Variants in BANP observed in about 807,000 individuals in gnomAD.
BANP encodes protein BANP.
A neutral mutation model predicts 68.1 loss-of-function variants in BANP; 11 were observed. The ratio of observed to expected loss-of-function variants is 0.16; its 90% CI spans 0.10 to 0.27. BANP has a LOEUF of 0.27. Ranked by LOEUF, BANP falls within the 10% of genes least tolerant of loss-of-function variation. The probability of loss-of-function intolerance (pLI) is 1.00; values close to 1 mark genes in which losing one functional copy is unlikely to be tolerated. For synonymous variants in BANP, 329 were observed against 303.2 expected, an observed-to-expected ratio of 1.09 and a Z score of -0.88; for missense variants, 504 against 722.7, an observed-to-expected ratio of 0.70 and a Z score of 3.47.
At chr16:87,980,627 C>T in intron 2 of BANP, 1 of 211,854 alleles carries the variant, frequency 4.7e-6, no homozygotes. Flanking sequence ...TAGTTCTGGA[C>T]CTGCAGATAG....
rs1420289487 is a variant in BANP at position 88,071,245 on chromosome 16, A to G, written c.1378-824A>G. 5.7e-6 allele frequency: 2 copies of G among 353,876 alleles called. No homozygotes were observed. Among genetic ancestry groups the G allele is most frequent in the Admixed American group, 3.9e-5 (1 of 25,600 alleles). The allele number at this position is 353,876 out of a possible 1,614,324, so 21.9% of individuals were successfully genotyped here. A position where few individuals can be genotyped will look rare whatever the true frequency, so the allele number is the denominator to read the frequency against. The stretch of plus-strand genomic sequence containing the variant: ...CCTCCCGTAGTGGGGTGCAACCCCA[A>G]GTGAAGACCCCGTGGCTCATGTCAA... On this transcript the variant is annotated intron_variant, in intron 12 of 13. Transcript: ENST00000682872. This position sits in a 1 kb window ranked among gnomAD's most constrained non-coding sequence, Gnocchi z 6.5.
intron 11 of BANP, among the ~76,000 whole-genome samples, chr16:88,050,925 G>C (rs1003741886): frequency 6.6e-6 from 1 of 151,906 alleles, no homozygotes; most frequent in Non-Finnish European, 1.5e-5. Context: ...GCGCTCAAGC[G>C]ATCCGCCTGC....
intron 6 of BANP, among the ~76,000 whole-genome samples, chr16:88,013,479 C>A (rs1354252137): frequency 3.3e-5 from 5 of 152,156 alleles, no homozygotes; most frequent in Non-Finnish European, 7.4e-5. Flanking sequence ...GTGGGCCCGC[C>A]CCATGCCTAG....
chr16:87,993,634 CT>C (rs2066450149), intron 4 of BANP, among the ~76,000 whole-genome samples: 1 of 142,888 alleles, frequency 7.0e-6, no homozygotes. Context: ...GAGTTTTGTT[CT>C]TGTTGCCCAG....
chr16:88,012,311 A>T (rs1392153254), intron 6 of BANP, among the ~76,000 whole-genome samples: 1 of 152,210 alleles, frequency 6.6e-6, no homozygotes, highest in African/African-American at 2.4e-5. Context: ...TTGCTTTTGA[A>T]ATTCATAAAC....
At chr16:88,056,179 G>A (rs551184135) in intron 11 of BANP, among the ~76,000 whole-genome samples, 44 of 152,362 alleles carry the variant, frequency 2.9e-4, no homozygotes, top group African/African-American at 8.2e-4. Context: ...CAGGCTTGCC[G>A]CATGCAGCAG....
At chr16:88,037,780 TAATA>T (rs2079724561) in intron 10 of BANP, 189 bp from the exon 11 acceptor site, 2 of 611,654 alleles carry the variant, frequency 3.3e-6, no homozygotes, top group Admixed American at 5.8e-5. Flanking sequence ...ATCTTTAAAA[TAATA>T]AATAGTACCT....
At chr16:87,987,409 A>C (rs1289271934) in intron 4 of BANP, among the ~76,000 whole-genome samples, 1 of 152,052 alleles carries the variant, frequency 6.6e-6, no homozygotes, top group Non-Finnish European at 1.5e-5. Flanking sequence ...AAAGTTTTAA[A>C]TGTGGTATAT....
chr16:88,053,522 C>T (rs1260667373), intron 11 of BANP, among the ~76,000 whole-genome samples: 3 of 147,730 alleles, frequency 2.0e-5, no homozygotes, highest in Non-Finnish European at 4.4e-5. Flanking sequence ...ATCACCAGCA[C>T]AACCACAACC....
intron 1 of BANP, among the ~76,000 whole-genome samples, chr16:87,955,594 ACACTGGTG>A (rs1324871596): frequency 6.6e-6 from 1 of 152,176 alleles, no homozygotes; most frequent in African/African-American, 2.4e-5. Context: ...CCGGGACCCC[ACACTGGTG>A]CGTGTGGCCG....
At chr16:88,011,418 G>T (rs1272838692) in intron 6 of BANP, among the ~76,000 whole-genome samples, 1 of 152,196 alleles carries the variant, frequency 6.6e-6, no homozygotes, top group Non-Finnish European at 1.5e-5. Flanking sequence ...TTGGACTCAG[G>T]TTCTCTGCGT....
At chr16:88,059,544 C>A (rs1432694936) in intron 11 of BANP, among the ~76,000 whole-genome samples, 7 of 152,084 alleles carry the variant, frequency 4.6e-5, no homozygotes, top group Admixed American at 2.6e-4. Flanking sequence ...ACGGTTCAGG[C>A]CACAGGACCC....
intron 1 of BANP, among the ~76,000 whole-genome samples, chr16:87,966,515 G>T (rs1222731379): frequency 6.6e-6 from 1 of 152,172 alleles, no homozygotes; most frequent in East Asian, 1.9e-4. Flanking sequence ...TTTACTGTTA[G>T]CAGAATTTTA....
At chr16:88,062,735 G>T (rs1042356603) in intron 11 of BANP, among the ~76,000 whole-genome samples, 2 of 152,312 alleles carry the variant, frequency 1.3e-5, no homozygotes, top group African/African-American at 4.8e-5. Context: ...TCAGACTGGG[G>T]CCCTGCTCCA....
chr16:87,994,954 G>T (rs757690404), intron 4 of BANP, among the ~76,000 whole-genome samples: 1 of 152,216 alleles, frequency 6.6e-6, no homozygotes, highest in Non-Finnish European at 1.5e-5. Flanking sequence ...TCAGGGTGCA[G>T]TGTGGGCGAT....
At chr16:88,020,635 G>A (rs2075837753) in intron 7 of BANP, among the ~76,000 whole-genome samples, 1 of 152,198 alleles carries the variant, frequency 6.6e-6, no homozygotes, top group Non-Finnish European at 1.5e-5. Flanking sequence ...TCTTTGGAGA[G>A]GATGGTGGTG....
chr16:88,018,649 A>G lies in BANP; in HGVS notation c.877A>G (p.Thr293Ala). ...CGGGAAGAAGCAGCTGGACCCGCTC[A>G]CCATCTACGGCATCCGGTGTAAGTC... is the stretch of plus-strand genomic sequence containing the variant. ...KHGKKQLDPL[T>A]IYGIRCHLFY... The change falls in exon 7 of 14, where the codon ACC (threonine) becomes GCC (alanine). Residue 293 changes from threonine (T) to alanine (A), a missense_variant. Thr to Ala is a moderately conservative substitution (Grantham distance 58). Coordinates refer to ENST00000682872, the MANE Select transcript of BANP (RefSeq NM_001386991.1). The surrounding 1 kb of genome is among the most constrained non-coding windows in gnomAD (Gnocchi z 7.7). 3 of 1,564,732 alleles carry G rather than the reference A, an allele frequency of 1.9e-6. No individual in the cohort carries two copies. The highest frequency in any genetic ancestry group is 2.6e-6 in the Non-Finnish European group (3 of 1,154,758).
intron 11 of BANP, among the ~76,000 whole-genome samples, chr16:88,052,522 A>G (rs1285620963): frequency 1.3e-5 from 2 of 151,954 alleles, no homozygotes; most frequent in Admixed American, 6.6e-5. Context: ...ATTCCTGAAC[A>G]TTGCCTGCAG....
chr16:87,958,582 C>T (rs796419095), intron 1 of BANP, among the ~76,000 whole-genome samples: 5 of 103,366 alleles, frequency 4.8e-5, no homozygotes, highest in South Asian at 4.8e-4. Context: ...AAGCTCCCAG[C>T]GCTTTGGGAA....
Sources: allele counts gnomAD v4.1 joint callset (sites outside exome capture counted in the v4.1 genomes callset), GRCh38; gene constraint gnomAD v4.1.1; non-coding constraint Gnocchi (gnomAD v3.1); transcripts MANE v1.5; gene names NCBI Gene and HGNC (gene_info 2026-07-23, HGNC 2026-07-21).